Variants in ZNF700 observed in about 807,000 individuals in gnomAD.
The protein encoded by ZNF700 is zinc finger protein 700.
ZNF700 carries 38 observed loss-of-function variants against 65.3 expected under a neutral mutation model. That is an observed-to-expected ratio of 0.58 (90% CI 0.45 to 0.76). ZNF700 has a LOEUF of 0.76. Among genes scored for constraint, ZNF700 ranks in the 30% least tolerant of loss-of-function variants. The pLI, the probability that ZNF700 is intolerant of heterozygous loss-of-function variation, is 0.00. For synonymous variants in ZNF700, 285 were observed against 290.4 expected, an observed-to-expected ratio of 0.98 and a Z score of 0.19; for missense variants, 857 against 888.4, an observed-to-expected ratio of 0.96 and a Z score of 0.45.
intron 1 of ZNF700, among the ~76,000 whole-genome samples, chr19:11,930,360 G>A (rs549145876): frequency 3.4e-5 from 5 of 148,622 alleles, no homozygotes; most frequent in South Asian, 2.1e-4. Context: ...CTACAGGGAG[G>A]TGGTCACCAG....
At chr19:11,942,678 G>A (rs531764929) in intron 1 of ZNF700, among the ~76,000 whole-genome samples, 7 of 152,256 alleles carry the variant, frequency 4.6e-5, no homozygotes, top group South Asian at 2.1e-4. Context: ...TGCATGCATC[G>A]GTAACAGGAC....
chr19:11,947,446 A>G, intron 2 of ZNF700, 68 bp from the exon 3 acceptor site: 1 of 1,601,238 alleles, frequency 6.2e-7, no homozygotes, highest in Non-Finnish European at 8.5e-7. Context: ...AATCATGGGC[A>G]CAGAATCTAA....
In ZNF700 at chr19:11,925,109, T is replaced by A; in HGVS notation, c.-102T>A. On this transcript the variant is annotated 5_prime_UTR_variant, in exon 1 of 4. Coordinates refer to ENST00000254321, the MANE Select transcript of ZNF700 (RefSeq NM_144566.3). The stretch of plus-strand genomic sequence containing the variant: ...CCGGAAATGGAGGGGGTCGCTTTCC[T>A]CACCTTCCTCGCTGCGCGGGCGGCG... 1.4e-6 allele frequency: 2 copies of A among 1,423,398 alleles called. No homozygotes were observed. The highest frequency in any genetic ancestry group is 9.7e-7 in the Non-Finnish European group (1 of 1,029,270). 88.2% of individuals were successfully genotyped at this position (1,423,398 alleles called of 1,614,324 possible).
Position 11,925,286 on chromosome 19 carries a change from G to A in ZNF700, c.63+13G>A, listed in dbSNP as rs7252012. 1,661 of 1,611,412 alleles carry A rather than the reference G, an allele frequency of 1.0e-3. 20 individuals carry two copies. In the African/African-American group the frequency reaches 0.02, roughly 20 times the overall value. ...AAGCCGGGAAATGGTGCGTGTGCGG[G>A]ACCAGATGTCGTGAGACGGGGGAGG... On this transcript the variant is annotated intron_variant, in intron 1 of 3. Transcript: ENST00000254321.
intron 1 of ZNF700, among the ~76,000 whole-genome samples, chr19:11,932,379 A>G (rs1223687037): frequency 6.8e-6 from 1 of 147,610 alleles, no homozygotes; most frequent in Non-Finnish European, 1.5e-5. Flanking sequence ...ATTAGTTTCA[A>G]TATGCTATGC....
intron 1 of ZNF700, among the ~76,000 whole-genome samples, chr19:11,930,780 C>T (rs924698264): frequency 1.4e-5 from 2 of 148,028 alleles, no homozygotes; most frequent in Admixed American, 6.6e-5. Flanking sequence ...ACTGGCATAT[C>T]ACCTGAGGTC....
chr19:11,937,657 T>G, intron 1 of ZNF700, among the ~76,000 whole-genome samples: 1 of 151,494 alleles, frequency 6.6e-6, no homozygotes, highest in East Asian at 1.9e-4. Context: ...CTTGGCTAAT[T>G]TTTTGTATTT....
chr19:11,947,478 C>G lies in ZNF700; in HGVS notation c.191-36C>G, dbSNP rs752375678. On this transcript the variant is annotated intron_variant, in intron 2 of 3. Transcript: ENST00000254321. The stretch of plus-strand genomic sequence containing the variant: ...CTAATAATTTTTTCACAATTTTATA[C>G]TGCTTCAGGACTATTTTTCTGTGTC... 6.2e-6 allele frequency: 10 copies of G among 1,606,242 alleles called. No homozygotes were observed. The South Asian group carries it at 9.0e-5, about 14-fold the overall frequency.
chr19:11,932,475 C>T (rs1455839057), intron 1 of ZNF700, among the ~76,000 whole-genome samples: 2 of 148,454 alleles, frequency 1.3e-5, no homozygotes, highest in East Asian at 3.9e-4. Context: ...ATTACATATG[C>T]ACAAAATACA....
intron 1 of ZNF700, among the ~76,000 whole-genome samples, chr19:11,931,705 A>G (rs1343041140): frequency 6.8e-6 from 1 of 148,048 alleles, no homozygotes; most frequent in African/African-American, 2.6e-5. Context: ...CCTTTTAAGG[A>G]CACATGGCAT....
At chr19:11,925,953 G>C (rs540383201) in intron 1 of ZNF700, among the ~76,000 whole-genome samples, 1 of 152,194 alleles carries the variant, frequency 6.6e-6, no homozygotes, top group African/African-American at 2.4e-5. Flanking sequence ...TGCCTGAAAG[G>C]TGTAAGTTCC....
Position 11,925,110 on chromosome 19 carries a change from C to T in ZNF700, c.-101C>T. ...CGGAAATGGAGGGGGTCGCTTTCCT[C>T]ACCTTCCTCGCTGCGCGGGCGGCGG... is the stretch of plus-strand genomic sequence containing the variant. On this transcript the variant is annotated 5_prime_UTR_variant, in exon 1 of 4. Transcript: ENST00000254321. 1.4e-6 allele frequency: 2 copies of T among 1,434,924 alleles called. No homozygotes were observed. The highest frequency in any genetic ancestry group is 2.5e-5 in the East Asian group (1 of 40,592). The allele number at this position is 1,434,924 out of a possible 1,614,324, so 88.9% of individuals were successfully genotyped here.
In ZNF700 at chr19:11,950,092, A is replaced by AT. The variant is rs1477097308; in HGVS notation, c.2070dup (p.Leu691SerfsTer15). On this transcript the variant is annotated frameshift_variant, in exon 4 of 4. Coordinates refer to ENST00000254321, the MANE Select transcript of ZNF700 (RefSeq NM_144566.3). LOFTEE classifies it high-confidence loss of function. ...TGGGAATGGATTCACATCTGCCAAG[A>AT]TTCTTCAAATACATGCAAGAACACA... 1 of 1,614,184 alleles carries AT rather than the reference A, an allele frequency of 6.2e-7. No homozygotes were observed. Among genetic ancestry groups the AT allele is most frequent in the East Asian group, 2.2e-5 (1 of 44,882 alleles).
chr19:11,928,476 TA>T (rs1972665522), intron 1 of ZNF700, among the ~76,000 whole-genome samples: 1 of 149,834 alleles, frequency 6.7e-6, no homozygotes, highest in South Asian at 2.1e-4. Context: ...CTCACGCCTG[TA>T]ATCCCAGCAC....
intron 1 of ZNF700, among the ~76,000 whole-genome samples, chr19:11,935,556 T>G (rs1293705829): frequency 6.6e-6 from 1 of 151,774 alleles, no homozygotes; most frequent in East Asian, 1.9e-4. Flanking sequence ...TGATTGGTTG[T>G]TTTTTTTCTT....
intron 1 of ZNF700, among the ~76,000 whole-genome samples, chr19:11,936,866 A>G (rs1013384505): frequency 1.3e-5 from 2 of 152,184 alleles, no homozygotes; most frequent in African/African-American, 4.8e-5. Context: ...ATTTTTGTGT[A>G]AGGTGTAAGG....
chr19:11,932,161 TG>T (rs1345192915), intron 1 of ZNF700, among the ~76,000 whole-genome samples: 1 of 147,126 alleles, frequency 6.8e-6, no homozygotes, highest in African/African-American at 2.7e-5. Context: ...TAGTCCAGCC[TG>T]GGCAACATGG....
chr19:11,928,528 C>G (rs1476463654), intron 1 of ZNF700, among the ~76,000 whole-genome samples: 2 of 148,580 alleles, frequency 1.3e-5, no homozygotes, highest in East Asian at 2.0e-4. Context: ...GTCAGGAGAT[C>G]GAGACCATCC....
At chr19:11,934,818 GC>G (rs1437078513) in intron 1 of ZNF700, among the ~76,000 whole-genome samples, 17 of 147,704 alleles carry the variant, frequency 1.2e-4, no homozygotes, top group Non-Finnish European at 4.4e-5. Flanking sequence ...GAGCCACTGC[GC>G]CCGGCCTGTT....
Sources: allele counts gnomAD v4.1 joint callset (sites outside exome capture counted in the v4.1 genomes callset), GRCh38; gene constraint gnomAD v4.1.1; transcripts MANE v1.5; gene names NCBI Gene and HGNC (gene_info 2026-07-23, HGNC 2026-07-21).